The following NDST4 variants were observed in gnomAD, a reference collection of about 807,000 sequenced individuals.
NDST4 encodes the protein N-heparan sulfate sulfotransferase 4.
In NDST4, 63 loss-of-function variants were observed where a neutral mutation model predicts 100.8. The observed-to-expected ratio is 0.62, with a 90% CI of 0.51 to 0.77. The LOEUF is 0.77. NDST4 is among the 30% of genes least tolerant of loss of function. NDST4 has a pLI of 0.00. For missense variants in NDST4, 943 were observed against 1,018.4 expected (o/e 0.93, Z 1.01); for synonymous variants, 377 against 361.8 (o/e 1.04, Z -0.48).
intron 11 of NDST4, among the ~76,000 whole-genome samples, chr4:114,838,838 A>C (rs1162753926): frequency 6.6e-6 from 1 of 151,960 alleles, no homozygotes; most frequent in Admixed American, 6.6e-5. Context: ...TACAAAAAAA[A>C]ATATATGGAT....
intron 2 of NDST4, among the ~76,000 whole-genome samples, chr4:115,021,383 CAT>C (rs540352056): frequency 6.7e-6 from 1 of 150,186 alleles, no homozygotes; most frequent in East Asian, 2.0e-4. Context: ...ATATATATTC[CAT>C]ATATATACAT....
intron 11 of NDST4, 96 bp from the exon 12 acceptor site, chr4:114,833,811 T>C (rs927198975): frequency 2.4e-5 from 17 of 718,312 alleles, no homozygotes; most frequent in Non-Finnish European, 4.0e-5. Flanking sequence ...ATAAATTAGA[T>C]CAGTGTGAAT....
chr4:114,938,709 G>A (rs1230878651), intron 4 of NDST4, among the ~76,000 whole-genome samples: 1 of 152,152 alleles, frequency 6.6e-6, no homozygotes, highest in Non-Finnish European at 1.5e-5. Context: ...TATCTACAAT[G>A]CCTTAGTCAT....
chr4:115,024,458 G>A (rs181622382), intron 2 of NDST4, among the ~76,000 whole-genome samples: 1 of 152,144 alleles, frequency 6.6e-6, no homozygotes, highest in Non-Finnish European at 1.5e-5. Flanking sequence ...TCCCTGTTGG[G>A]TTTTGACTTA....
intron 2 of NDST4, among the ~76,000 whole-genome samples, chr4:115,004,976 C>A (rs1483817506): frequency 6.6e-6 from 1 of 152,128 alleles, no homozygotes; most frequent in Non-Finnish European, 1.5e-5. Context: ...CTAATTTTAA[C>A]AAGAACTGGA....
At chr4:114,865,309 T>C (rs1164001630) in intron 7 of NDST4, among the ~76,000 whole-genome samples, 1 of 152,094 alleles carries the variant, frequency 6.6e-6, no homozygotes, top group Non-Finnish European at 1.5e-5. Context: ...GTGATCTGCC[T>C]GCCTCGGCCT....
chr4:115,029,948 AC>A (rs1728079501), intron 2 of NDST4, among the ~76,000 whole-genome samples: 1 of 152,130 alleles, frequency 6.6e-6, no homozygotes, highest in African/African-American at 2.4e-5. Context: ...TTTGTGATAA[AC>A]CAGGAATGAA....
rs568790106 is a variant in NDST4 at position 114,860,128 on chromosome 4, A to C, written c.1720-7307T>G. On this transcript the variant is annotated intron_variant, in intron 7 of 13. Coordinates refer to ENST00000264363, the MANE Select transcript of NDST4 (RefSeq NM_022569.3). ...GTTACAGATCCTGGATTTTTCTACA[A>C]ATTCATCTATGGAAACTGTGATAAA... Among the ~76,000 whole-genome samples the C allele has an allele frequency of 2.4e-4, 37 of 152,332 alleles. No homozygotes were observed. The Middle Eastern group carries it at 0.01, about 42-fold the overall frequency.
In NDST4 at chr4:114,833,710, T is replaced by C. The variant is rs115482611; in HGVS notation, c.2292A>G (p.Leu764=). ...ATCTCAGCTGCTGTCCATCAATAAT[T>C]AGCAACTGTAAAGTCAGAAATAGTC... ...WLTYFATSQL[L]IIDGQQLRSD... The change falls in exon 12 of 14, where the codon CTA becomes CTG. Residue 764 remains leucine, a synonymous_variant. Transcript: ENST00000264363. 2.5e-3 allele frequency: 3,992 copies of C among 1,604,904 alleles called. 11 individuals carry two copies. Among genetic ancestry groups the C allele is most frequent in the Non-Finnish European group, 3.2e-3 (3,747 of 1,174,672 alleles).
chr4:114,889,448 A>G (rs1204468269), intron 6 of NDST4, among the ~76,000 whole-genome samples: 1 of 152,212 alleles, frequency 6.6e-6, no homozygotes, highest in Non-Finnish European at 1.5e-5. Flanking sequence ...AAGTAATCAG[A>G]AGACCATGAT....
intron 2 of NDST4, among the ~76,000 whole-genome samples, chr4:115,049,087 T>C (rs1728526489): frequency 6.6e-6 from 1 of 152,218 alleles, no homozygotes; most frequent in Admixed American, 6.5e-5. Context: ...ATTATTTTTG[T>C]TGAAAGCAGT....
chr4:115,001,032 C>T (rs1392422534), intron 2 of NDST4, among the ~76,000 whole-genome samples: 1 of 152,072 alleles, frequency 6.6e-6, no homozygotes, highest in East Asian at 1.9e-4. Flanking sequence ...ATCCTCATGA[C>T]CCACTCTTCA....
At chr4:114,932,416 T>C (rs552066809) in intron 6 of NDST4, among the ~76,000 whole-genome samples, 19 of 152,116 alleles carry the variant, frequency 1.2e-4, no homozygotes, top group African/African-American at 4.6e-4. Flanking sequence ...GTTGAAAGCT[T>C]TTCTTCTAAG....
Position 115,113,590 on chromosome 4 carries a change from A to G in NDST4, c.-393T>C, listed in dbSNP as rs1381929683. The G allele has an allele frequency of 6.6e-6, 1 of 151,958 alleles. No homozygotes were observed. Among genetic ancestry groups the G allele is most frequent in the Non-Finnish European group, 1.5e-5 (1 of 67,948 alleles). The allele number at this position is 151,958 out of a possible 1,614,324, so 9.4% of individuals were successfully genotyped here. On this transcript the variant is annotated 5_prime_UTR_variant, in exon 1 of 14. Coordinates refer to ENST00000264363, the MANE Select transcript of NDST4 (RefSeq NM_022569.3). ...TGCAATCTGCCTCAACAATATTCCAAGAGCACTCTCTAGCTCCAGTCTTAG... is the reference window on the plus strand; with the variant it reads ...TGCAATCTGCCTCAACAATATTCCAGGAGCACTCTCTAGCTCCAGTCTTAG...
chr4:115,077,176 G>T lies in NDST4; in HGVS notation c.-140C>A. 1 of 782,258 alleles carries T rather than the reference G, an allele frequency of 1.3e-6. No individual in the cohort carries two copies. The highest frequency in any genetic ancestry group is 2.0e-6 in the Non-Finnish European group (1 of 506,832). 48.5% of individuals were successfully genotyped at this position (782,258 alleles called of 1,614,324 possible). ...AAATCATGTAAAATGTTTGAAGGGAGCACAACTGAGTTAAAGCTGGAAGGC... is the reference window on the plus strand; with the variant it reads ...AAATCATGTAAAATGTTTGAAGGGATCACAACTGAGTTAAAGCTGGAAGGC... On this transcript the variant is annotated 5_prime_UTR_variant, in exon 2 of 14. Coordinates refer to ENST00000264363, the MANE Select transcript of NDST4 (RefSeq NM_022569.3).
chr4:115,087,163 A>G (rs568245353), intron 1 of NDST4, among the ~76,000 whole-genome samples: 60 of 152,140 alleles, frequency 3.9e-4, no homozygotes, highest in African/African-American at 1.4e-3. Context: ...ACTTAGGATG[A>G]CTTTGGGATA....
chr4:114,952,646 T>C (rs1030734478), intron 4 of NDST4, among the ~76,000 whole-genome samples: 1 of 152,120 alleles, frequency 6.6e-6, no homozygotes. Context: ...ATGTTGTAAG[T>C]TTGGTGAAAA....
chr4:115,099,527 G>A (rs1578520748), intron 1 of NDST4, among the ~76,000 whole-genome samples: 1 of 152,034 alleles, frequency 6.6e-6, no homozygotes, highest in Admixed American at 6.6e-5. Flanking sequence ...CCTCCTTAAT[G>A]AAAAAATACA....
chr4:114,970,640 G>A (rs1726492506), intron 3 of NDST4, 56 bp from the exon 4 acceptor site: 2 of 1,451,704 alleles, frequency 1.4e-6, no homozygotes, highest in East Asian at 4.8e-5. Context: ...TATCTTAAAG[G>A]TTATTTTTGT....
Sources: allele counts gnomAD v4.1 joint callset (sites outside exome capture counted in the v4.1 genomes callset), GRCh38; gene constraint gnomAD v4.1.1; transcripts MANE v1.5; gene names NCBI Gene and HGNC (gene_info 2026-07-23, HGNC 2026-07-21).